Variants in HTT observed in about 807,000 individuals in gnomAD.
HTT encodes huntington disease protein.
In HTT, 104 loss-of-function variants were observed where a neutral mutation model predicts 362.3. The observed-to-expected ratio is 0.29, with a 90% CI of 0.24 to 0.34. HTT has a LOEUF of 0.34. Ranked by LOEUF, HTT falls within the 10% of genes least tolerant of loss-of-function variation. The probability of loss-of-function intolerance (pLI) is 1.00; values close to 1 mark genes in which losing one functional copy is unlikely to be tolerated. For missense variants in HTT, 3,301 were observed against 3,928.6 expected (o/e 0.84, Z 4.27); for synonymous variants, 1,577 against 1,548.7 (o/e 1.02, Z -0.43).
chr4:3,099,041 C>T (rs1489789680), intron 2 of HTT, among the ~76,000 whole-genome samples: 1 of 152,104 alleles, frequency 6.6e-6, no homozygotes, highest in Non-Finnish European at 1.5e-5. Context: ...TACCCTACAT[C>T]CAGTTACCCC....
chr4:3,160,858 G>T (rs1192931894), intron 29 of HTT, among the ~76,000 whole-genome samples: 2 of 152,082 alleles, frequency 1.3e-5, no homozygotes, highest in Admixed American at 6.6e-5. Flanking sequence ...CAGAGCCTGA[G>T]TTAAAAGTCT....
At chr4:3,087,608 A>G (rs1713276217) in intron 2 of HTT, among the ~76,000 whole-genome samples, 1 of 152,208 alleles carries the variant, frequency 6.6e-6, no homozygotes, top group Admixed American at 6.5e-5. Flanking sequence ...GTAGCTGTAG[A>G]TGGTAAATAT....
In HTT at chr4:3,201,863, T is replaced by G. The variant is rs1473933519; in HGVS notation, c.5576+1924T>G. 2.6e-5 allele frequency among the ~76,000 whole-genome samples: 4 copies of G among 152,188 alleles called. No individual in the cohort carries two copies. In the South Asian group the frequency reaches 6.2e-4, roughly 24 times the overall value. On this transcript the variant is annotated intron_variant, in intron 41 of 66. Coordinates refer to ENST00000355072, the MANE Select transcript of HTT (RefSeq NM_001388492.1). Reference sequence around the variant, plus strand: ...AGAAGTGTGAAATACAAAACACAGCTGCTCTTTTTTTAGCCATAGACTCAG... The same window carrying G: ...AGAAGTGTGAAATACAAAACACAGCGGCTCTTTTTTTAGCCATAGACTCAG...
At chr4:3,116,688 T>C (rs1578511618) in intron 8 of HTT, among the ~76,000 whole-genome samples, 1 of 152,178 alleles carries the variant, frequency 6.6e-6, no homozygotes, top group Non-Finnish European at 1.5e-5. Flanking sequence ...GGCACGGTGG[T>C]ATATGCTCAC....
chr4:3,221,010 C>T (rs1720648395), intron 53 of HTT, among the ~76,000 whole-genome samples: 1 of 152,140 alleles, frequency 6.6e-6, no homozygotes, highest in Admixed American at 6.5e-5. Flanking sequence ...CACTTTTGCC[C>T]CTATTTGATG....
At chr4:3,210,959 A>G (rs935958695) in intron 47 of HTT, among the ~76,000 whole-genome samples, 1 of 138,772 alleles carries the variant, frequency 7.2e-6, no homozygotes, top group African/African-American at 2.8e-5. Context: ...CTGGAGTGCA[A>G]TGGCGCTATC....
intron 45 of HTT, 51 bp from the exon 46 acceptor site, chr4:3,208,722 A>G (rs1719989101): frequency 1.4e-6 from 2 of 1,462,618 alleles, no homozygotes; most frequent in Admixed American, 4.4e-5. Flanking sequence ...CTAAGACTAA[A>G]AAAAAAAAAA....
intron 41 of HTT, among the ~76,000 whole-genome samples, chr4:3,202,306 G>A (rs1209302736): frequency 1.3e-5 from 2 of 152,072 alleles, no homozygotes; most frequent in Admixed American, 6.6e-5. Context: ...TACAAATTGG[G>A]GCTGAATTTG....
intron 36 of HTT, 105 bp downstream of exon 36, chr4:3,180,756 C>T: frequency 1.1e-6 from 1 of 887,094 alleles, no homozygotes; most frequent in Admixed American, 3.7e-5. Flanking sequence ...TTACTTTGAA[C>T]CAGGTTTGGG....
intron 25 of HTT, 83 bp downstream of exon 25, chr4:3,147,031 G>A: frequency 1.5e-6 from 2 of 1,320,728 alleles, no homozygotes; most frequent in Non-Finnish European, 2.2e-6. Flanking sequence ...AGCATATGAG[G>A]GGAAAATACT....
Position 3,204,143 on chromosome 4 carries a change from T to A in HTT, c.5713T>A (p.Tyr1905Asn). The change falls in exon 42 of 67, where the codon TAT becomes AAT. Residue 1905 changes from tyrosine to asparagine, a missense_variant. By Grantham distance (143) the Tyr-to-Asn change is moderately radical. Transcript: ENST00000355072. ...RRGALILFCD[Y>N]VCQNLHDSEH... ...AGGGGCTCTCATTCTCTTCTGTGAT[T>A]ATGTCGTAAGTTTGAAATGCCTGTA... The A allele has an allele frequency of 6.2e-7, 1 of 1,614,204 alleles. No homozygotes were observed. Among genetic ancestry groups the A allele is most frequent in the Non-Finnish European group, 8.5e-7 (1 of 1,180,020 alleles).
intron 54 of HTT, 118 bp downstream of exon 54, chr4:3,222,605 G>T: frequency 1.4e-6 from 1 of 719,530 alleles, no homozygotes; most frequent in South Asian, 1.8e-5. Flanking sequence ...CCTTATTTTT[G>T]AAAGAGTAGC....
Position 3,116,144 on chromosome 4 carries a change from A to T in HTT, c.949A>T (p.Thr317Ser), listed in dbSNP as rs745362769. The T allele has an allele frequency of 6.2e-7, 1 of 1,613,826 alleles. No individual in the cohort carries two copies. The highest frequency in any genetic ancestry group is 1.7e-5 in the Admixed American group (1 of 60,030). The stretch of plus-strand genomic sequence containing the variant: ...TCTGCTGATTCTTGGCGTGCTGCTC[A>T]CCCTGAGGTATTTGGTGCCCTTGCT... ...STLLILGVLL[T>S]LRYLVPLLQQ... The change falls in exon 8 of 67, where the codon ACC becomes TCC. Residue 317 changes from threonine (T) to serine (S), a missense_variant. By Grantham distance (58) the Thr-to-Ser change is moderately conservative (BLOSUM62 1). Around this residue, in one of 4 missense-constraint regions of HTT, gnomAD observed 2,316 missense variants for 2,658.5 expected, o/e 0.87. Transcript: ENST00000355072.
intron 44 of HTT, 83 bp downstream of exon 44, chr4:3,207,066 G>A (rs1285914926): frequency 6.7e-6 from 9 of 1,347,332 alleles, no homozygotes; most frequent in East Asian, 2.5e-5. Context: ...TTTTTCCTCC[G>A]TAAGTATGGT....
At chr4:3,156,026 A>G (rs1029192018) in intron 27 of HTT, among the ~76,000 whole-genome samples, 1 of 152,134 alleles carries the variant, frequency 6.6e-6, no homozygotes, top group Non-Finnish European at 1.5e-5. Flanking sequence ...TTTCTTGCAT[A>G]TGGTACATTG....
intron 2 of HTT, among the ~76,000 whole-genome samples, chr4:3,091,942 C>T (rs1713531513): frequency 6.6e-6 from 1 of 152,188 alleles, no homozygotes; most frequent in Non-Finnish European, 1.5e-5. Context: ...GATATTGGTG[C>T]AGTGCCCTTC....
intron 38 of HTT, 80 bp downstream of exon 38, chr4:3,186,799 C>CT: frequency 8.6e-7 from 1 of 1,161,068 alleles, no homozygotes; most frequent in South Asian, 1.4e-5. Context: ...CCCAGAATGT[C>CT]TGAGTCAGTC....
intron 2 of HTT, among the ~76,000 whole-genome samples, chr4:3,089,824 A>C: frequency 6.6e-6 from 1 of 152,248 alleles, no homozygotes; most frequent in East Asian, 1.9e-4. Context: ...TTGTGGTTCT[A>C]TATGCCATAT....
chr4:3,114,460 T>C (rs1478853681), intron 6 of HTT, among the ~76,000 whole-genome samples: 1 of 152,266 alleles, frequency 6.6e-6, no homozygotes, highest in African/African-American at 2.4e-5. Context: ...AAACAGACTA[T>C]GCTAACCACG....
Sources: allele counts gnomAD v4.1 joint callset (sites outside exome capture counted in the v4.1 genomes callset), GRCh38; gene constraint gnomAD v4.1.1; regional missense constraint gnomAD v4.1.1; transcripts MANE v1.5; gene names NCBI Gene and HGNC (gene_info 2026-07-23, HGNC 2026-07-21).